The following MMP20 variants were observed in gnomAD, a reference collection of about 807,000 sequenced individuals.
MMP20 encodes matrix metalloproteinase-20.
Under a neutral mutation model 51.8 loss-of-function variants are expected in MMP20, and 50 were observed. That is an observed-to-expected ratio of 0.97 (90% confidence interval 0.77 to 1.22). The LOEUF (loss-of-function observed/expected upper bound fraction) is 1.22. Among genes scored for constraint, MMP20 ranks in the 50% most tolerant of loss-of-function variants. The probability of loss-of-function intolerance (pLI) is 0.00; values close to 1 mark genes in which losing one functional copy is unlikely to be tolerated. For missense variants in MMP20, 663 were observed against 601.4 expected, an observed-to-expected ratio of 1.10 and a Z score of -1.07; for synonymous variants, 244 against 216.2, an observed-to-expected ratio of 1.13 and a Z score of -1.13.
At chr11:102,587,507 T>C (rs895455684) in intron 8 of MMP20, among the ~76,000 whole-genome samples, 1 of 152,180 alleles carries the variant, frequency 6.6e-6, no homozygotes, top group East Asian at 1.9e-4. Context: ...TCTTTGTTGA[T>C]CTCTCTGGTT....
intron 4 of MMP20, 102 bp downstream of exon 4, chr11:102,609,803 C>T (rs1046669228): frequency 1.9e-6 from 3 of 1,542,824 alleles, no homozygotes; most frequent in Admixed American, 1.7e-5. Flanking sequence ...GCCAGCCCCC[C>T]TAGTTAAAGG....
intron 9 of MMP20, 43 bp downstream of exon 9, chr11:102,578,996 T>G: frequency 7.1e-7 from 1 of 1,400,612 alleles, no homozygotes; most frequent in Middle Eastern, 1.8e-4. Flanking sequence ...CAAGATTTCT[T>G]ATGATAGTTT....
At chr11:102,617,207 C>A in intron 1 of MMP20, 148 bp from the exon 2 acceptor site, 1 of 978,056 alleles carries the variant, frequency 1.0e-6, no homozygotes, top group Middle Eastern at 2.8e-4. Context: ...TATTTGTTTA[C>A]ATAAAGCTTA....
At position 102,601,141 on chromosome 11, in the gene MMP20, T is replaced by TATTAAATCC. The variant is rs1198943345; in HGVS notation, c.953+5393_953+5394insGGATTTAAT. Among the ~76,000 whole-genome samples the TATTAAATCC allele has an allele frequency of 8.8e-4, 41 of 46,360 alleles. 1 individual carries two copies. The highest frequency in any genetic ancestry group is 2.0e-3 in the South Asian group (2 of 1,022). The allele number at this position is 46,360 out of a possible 152,430, so 30.4% of individuals were successfully genotyped here. On this transcript the variant is annotated intron_variant, in intron 6 of 9. Coordinates refer to ENST00000260228, the MANE Select transcript of MMP20 (RefSeq NM_004771.4). ...TCGGCTATTCTTTTTTTTTTTTTTT[T>TATTAAATCC]TTTTTTTTTGAGACGGAGTCTCGCT...
In MMP20 at chr11:102,583,495, C is replaced by T. The variant is rs1352572138; in HGVS notation, c.1248-4353G>A. The T allele has an allele frequency of 2.6e-5, 4 of 152,278 alleles. No individual in the cohort carries two copies. The South Asian group carries it at 8.3e-4, about 32-fold the overall frequency. The allele number at this position is 152,278 out of a possible 1,614,324, so 9.4% of individuals were successfully genotyped here. On this transcript the variant is annotated intron_variant, in intron 8 of 9. Coordinates refer to ENST00000260228, the MANE Select transcript of MMP20 (RefSeq NM_004771.4). Reference sequence around the variant, plus strand: ...TCACAATTGCCTACAGTATTCAGTACAGTATCATGTTGTATAGGTCTGTAG... The same window carrying T: ...TCACAATTGCCTACAGTATTCAGTATAGTATCATGTTGTATAGGTCTGTAG...
rs1021727971 is a variant in MMP20 at position 102,577,279 on chromosome 11, G to A, written c.*47C>T. 1.6e-6 allele frequency: 2 copies of A among 1,287,146 alleles called. No homozygotes were observed. Among genetic ancestry groups the A allele is most frequent in the East Asian group, 2.3e-5 (1 of 43,296 alleles). The allele number at this position is 1,287,146 out of a possible 1,614,324, so 79.7% of individuals were successfully genotyped here. ...TTTAGTCCTTAAGATCCAGTTAGAG[G>A]CTGCTTGTAGTCATCCTCATTGCTT... On this transcript the variant is annotated 3_prime_UTR_variant, in exon 10 of 10. Coordinates refer to ENST00000260228, the MANE Select transcript of MMP20 (RefSeq NM_004771.4).
chr11:102,604,157 G>A (rs1048542235), intron 6 of MMP20, among the ~76,000 whole-genome samples: 1 of 151,916 alleles, frequency 6.6e-6, no homozygotes, highest in African/African-American at 2.4e-5. Context: ...CCTGCATGAT[G>A]GCTAGCACCT....
intron 1 of MMP20, among the ~76,000 whole-genome samples, chr11:102,624,105 T>C (rs1341815362): frequency 6.6e-6 from 1 of 152,172 alleles, no homozygotes; most frequent in Non-Finnish European, 1.5e-5. Flanking sequence ...TTAATAAGGA[T>C]GAGTGGCAGA....
intron 8 of MMP20, among the ~76,000 whole-genome samples, chr11:102,585,956 G>A (rs1289668036): frequency 2.0e-5 from 3 of 152,076 alleles, no homozygotes. Context: ...AATCCTACTT[G>A]GTCTTGGTGT....
In MMP20 at chr11:102,613,367, G is replaced by A. The variant is rs150843116; in HGVS notation, c.375-1464C>T. ...AACCCCATGAGCAGGGACCGGCCCT[G>A]CTTTCTCTCTCTCTCTCTAGCTCCT... On this transcript the variant is annotated intron_variant, in intron 2 of 9. Coordinates refer to ENST00000260228, the MANE Select transcript of MMP20 (RefSeq NM_004771.4). 6.1e-3 allele frequency among the ~76,000 whole-genome samples: 932 copies of A among 152,242 alleles called. 15 individuals are homozygous for A. The highest frequency in any genetic ancestry group is 0.021 in the African/African-American group (877 of 41,516).
Position 102,620,369 on chromosome 11 carries a change from G to C in MMP20, c.127-3310C>G, listed in dbSNP as rs533324404. Among the ~76,000 whole-genome samples the C allele has an allele frequency of 4.6e-5, 7 of 152,296 alleles. No individual in the cohort carries two copies. In the South Asian group the frequency reaches 1.0e-3, roughly 23 times the overall value. On this transcript the variant is annotated intron_variant, in intron 1 of 9. Coordinates refer to ENST00000260228, the MANE Select transcript of MMP20 (RefSeq NM_004771.4). ...AATATTCTATCAGGCACTTAGGTGTGTACTTAGAATTGCTTTCATGTGATG... is the reference window on the plus strand; with the variant it reads ...AATATTCTATCAGGCACTTAGGTGTCTACTTAGAATTGCTTTCATGTGATG...
At chr11:102,602,938 A>T (rs1172368814) in intron 6 of MMP20, among the ~76,000 whole-genome samples, 2 of 152,248 alleles carry the variant, frequency 1.3e-5, no homozygotes, top group Non-Finnish European at 2.9e-5. Flanking sequence ...ATATAGCCTT[A>T]ATAAATTTGT....
At chr11:102,584,003 A>C (rs1859225607) in intron 8 of MMP20, among the ~76,000 whole-genome samples, 1 of 152,226 alleles carries the variant, frequency 6.6e-6, no homozygotes, top group Non-Finnish European at 1.5e-5. Context: ...GTATGAATTT[A>C]TCACATTTTA....
chr11:102,618,777 T>G (rs1436577756), intron 1 of MMP20, among the ~76,000 whole-genome samples: 2 of 152,246 alleles, frequency 1.3e-5, no homozygotes, highest in East Asian at 3.8e-4. Context: ...ACTTAATTTA[T>G]TCTTTATTCC....
At chr11:102,625,017 C>CTATGCATGTAACATGGTA (rs1223431778) in intron 1 of MMP20, among the ~76,000 whole-genome samples, 177 bp downstream of exon 1, 2 of 152,080 alleles carry the variant, frequency 1.3e-5, no homozygotes, top group Non-Finnish European at 2.9e-5. Flanking sequence ...CATGGTACAC[C>CTATGCATGTAACATGGTA]TAATATGCAC....
At chr11:102,624,794 G>A (rs577986730) in intron 1 of MMP20, among the ~76,000 whole-genome samples, 4 of 152,148 alleles carry the variant, frequency 2.6e-5, no homozygotes, top group African/African-American at 9.7e-5. Flanking sequence ...TGTTGTGACC[G>A]CTAAAGCTTA....
intron 8 of MMP20, among the ~76,000 whole-genome samples, chr11:102,583,974 G>A (rs1358616559): frequency 1.3e-5 from 2 of 152,006 alleles, no homozygotes; most frequent in African/African-American, 4.8e-5. Context: ...TCATTTTTGT[G>A]GCCAAATAAT....
Position 102,579,160 on chromosome 11 carries a change from TC to T in MMP20, c.1248-19del. 1.3e-6 allele frequency: 2 copies of T among 1,549,236 alleles called. No individual in the cohort carries two copies. The highest frequency in any genetic ancestry group is 1.8e-6 in the Non-Finnish European group (2 of 1,122,538). On this transcript the variant is annotated intron_variant, in intron 8 of 9. Coordinates refer to ENST00000260228, the MANE Select transcript of MMP20 (RefSeq NM_004771.4). Reference sequence around the variant, plus strand: ...CGTCGTAGCTAGAAAAAGTATTATTTCATAAATAATATTACTAAGAGGTTTT... The same window carrying T: ...CGTCGTAGCTAGAAAAAGTATTATTTATAAATAATATTACTAAGAGGTTTT...
intron 6 of MMP20, among the ~76,000 whole-genome samples, chr11:102,603,396 C>G (rs1458282327): frequency 2.6e-5 from 4 of 152,170 alleles, no homozygotes; most frequent in Non-Finnish European, 5.9e-5. Flanking sequence ...CAGCTCTGGA[C>G]AGCACCTTAG....
Sources: allele counts gnomAD v4.1 joint callset (sites outside exome capture counted in the v4.1 genomes callset), GRCh38; gene constraint gnomAD v4.1.1; transcripts MANE v1.5; gene names NCBI Gene and HGNC (gene_info 2026-07-23, HGNC 2026-07-21).